The following ST6GALNAC5 variants were observed in gnomAD, a reference collection of about 807,000 sequenced individuals.
The protein encoded by ST6GALNAC5 is ST6 N-acetylgalactosaminide alpha-2,6-sialyltransferase 5, also known as alpha-N-acetylgalactosaminide alpha-2,6-sialyltransferase 5.
In ST6GALNAC5, 27 loss-of-function variants were observed where a neutral mutation model predicts 33.6. The observed-to-expected ratio is 0.80, with a 90% CI of 0.59 to 1.11. ST6GALNAC5 has a LOEUF of 1.11. Ranked by LOEUF, ST6GALNAC5 falls within the 50% of genes least tolerant of loss-of-function variation. The pLI, the probability that ST6GALNAC5 is intolerant of heterozygous loss-of-function variation, is 0.00. For synonymous variants in ST6GALNAC5, 194 were observed against 171.2 expected (o/e 1.13, Z -1.04); for missense variants, 428 against 454.0 (o/e 0.94, Z 0.52).
chr1:76,872,298 G>T (rs747434755), intron 2 of ST6GALNAC5, among the ~76,000 whole-genome samples: 1 of 152,082 alleles, frequency 6.6e-6, no homozygotes, highest in Non-Finnish European at 1.5e-5. Flanking sequence ...CTAGAGGACA[G>T]GCTCTTATCA....
chr1:76,991,973 A>G (rs1157044725), intron 2 of ST6GALNAC5, among the ~76,000 whole-genome samples: 1 of 152,146 alleles, frequency 6.6e-6, no homozygotes, highest in Non-Finnish European at 1.5e-5. Flanking sequence ...TTTTTTTGGC[A>G]GAGAAATAAG....
intron 2 of ST6GALNAC5, among the ~76,000 whole-genome samples, chr1:77,020,208 T>C (rs1176850181): frequency 1.3e-5 from 2 of 152,196 alleles, no homozygotes; most frequent in East Asian, 3.8e-4. Context: ...AGCATGCTTT[T>C]GAGGGGATTC....
intron 2 of ST6GALNAC5, among the ~76,000 whole-genome samples, chr1:77,009,722 C>T (rs548431675): frequency 6.6e-5 from 10 of 152,258 alleles, no homozygotes; most frequent in South Asian, 2.1e-4. Context: ...TTGTTATAGG[C>T]GATCTTTCTC....
At chr1:77,010,684 G>A (rs1042283023) in intron 2 of ST6GALNAC5, among the ~76,000 whole-genome samples, 7 of 120,844 alleles carry the variant, frequency 5.8e-5, no homozygotes, top group Middle Eastern at 4.5e-3. Flanking sequence ...GCCAGGAGGC[G>A]CTATGTCTGA....
rs555501519 is a variant in ST6GALNAC5 at position 76,898,575 on chromosome 1, C to T, written c.261+29833C>T. Among the ~76,000 whole-genome samples the T allele has an allele frequency of 1.4e-4, 22 of 152,122 alleles. No individual in the cohort carries two copies. The South Asian group carries it at 1.7e-3, about 12-fold the overall frequency. ...CTGTAAAGAGTCTCAGGGTTGCTGC[C>T]GAACGAGCCATGAACTGGGCTGGGT... On this transcript the variant is annotated intron_variant, in intron 2 of 4. Transcript: ENST00000477717.
chr1:76,936,823 T>A (rs1647209004), intron 2 of ST6GALNAC5, among the ~76,000 whole-genome samples: 1 of 151,962 alleles, frequency 6.6e-6, no homozygotes, highest in Non-Finnish European at 1.5e-5. Context: ...TGTGGTCATG[T>A]GGTGGAAGGA....
At chr1:76,976,380 A>G (rs972735310) in intron 2 of ST6GALNAC5, among the ~76,000 whole-genome samples, 5 of 152,152 alleles carry the variant, frequency 3.3e-5, no homozygotes, top group African/African-American at 4.8e-5. Context: ...AGATGTCTAT[A>G]GTTTTCTCCT....
At chr1:77,060,085 C>T (rs913662155) in intron 4 of ST6GALNAC5, 1 of 152,058 alleles carries the variant, frequency 6.6e-6, no homozygotes. Flanking sequence ...CCCTCACTCT[C>T]CCCACCTGCT....
In ST6GALNAC5 at chr1:77,063,304, A is replaced by G. The variant is rs1012880101; in HGVS notation, c.*98A>G. On this transcript the variant is annotated 3_prime_UTR_variant, in exon 5 of 5. Transcript: ENST00000477717. ...ACCAGACAGGAAAGGGTAGCAGAAA[A>G]CAGCTTCACTCCTCAGGAAGTACCA... The G allele has an allele frequency of 2.5e-5, 26 of 1,058,442 alleles. No homozygotes were observed. Among genetic ancestry groups the G allele is most frequent in the Non-Finnish European group, 3.5e-5 (25 of 713,104 alleles). The allele number at this position is 1,058,442 out of a possible 1,614,324, so 65.6% of individuals were successfully genotyped here.
At chr1:76,950,258 A>G (rs1198017456) in intron 2 of ST6GALNAC5, among the ~76,000 whole-genome samples, 1 of 152,126 alleles carries the variant, frequency 6.6e-6, no homozygotes, top group Non-Finnish European at 1.5e-5. Context: ...TAATTCATAG[A>G]CACATGAATC....
rs922512333 is a variant in ST6GALNAC5, at chr1:77,044,340, G to A, written c.398G>A (p.Arg133His). The change falls in exon 3 of 5, where the codon CGT (arginine) becomes CAT (histidine). Residue 133 changes from arginine (R) to histidine (H), a missense_variant. By Grantham distance (29) the Arg-to-His change is conservative. Coordinates refer to ENST00000477717, the MANE Select transcript of ST6GALNAC5 (RefSeq NM_030965.3). ...GACGCCCCCACACGCGGCTATGGGCGTGACGTGGGCAATCGCACCAGCCTG... is the reference window on the plus strand; with the variant it reads ...GACGCCCCCACACGCGGCTATGGGCATGACGTGGGCAATCGCACCAGCCTG... Reference protein sequence around the residue: ...MNDAPTRGYGRDVGNRTSLRV... With the variant: ...MNDAPTRGYGHDVGNRTSLRV... 5.0e-6 allele frequency: 8 copies of A among 1,613,846 alleles called. No individual in the cohort carries two copies. Among genetic ancestry groups the A allele is most frequent in the African/African-American group, 2.7e-5 (2 of 74,916 alleles).
At chr1:76,964,464 C>G (rs1356193960) in intron 2 of ST6GALNAC5, among the ~76,000 whole-genome samples, 3 of 152,270 alleles carry the variant, frequency 2.0e-5, no homozygotes, top group South Asian at 2.1e-4. Flanking sequence ...CTTTCTCTCT[C>G]ATGGGCCCCG....
chr1:76,879,832 C>T (rs1360109878), intron 2 of ST6GALNAC5, among the ~76,000 whole-genome samples: 1 of 150,094 alleles, frequency 6.7e-6, no homozygotes, highest in Non-Finnish European at 1.5e-5. Flanking sequence ...TTAGGGTCCT[C>T]CACACATCCC....
intron 2 of ST6GALNAC5, among the ~76,000 whole-genome samples, chr1:76,896,151 G>A (rs1294631683): frequency 2.0e-5 from 3 of 152,192 alleles, no homozygotes; most frequent in Non-Finnish European, 2.9e-5. Context: ...AGGCTAAACT[G>A]AGGAATTGTG....
chr1:76,914,686 T>C (rs1296261808), intron 2 of ST6GALNAC5, among the ~76,000 whole-genome samples: 2 of 152,088 alleles, frequency 1.3e-5, no homozygotes, highest in African/African-American at 2.4e-5. Context: ...ATACAAAAAT[T>C]AATTCAAGAT....
At chr1:77,017,244 A>G (rs866869662) in intron 2 of ST6GALNAC5, among the ~76,000 whole-genome samples, 54 of 152,090 alleles carry the variant, frequency 3.6e-4, no homozygotes, top group Non-Finnish European at 1.2e-4. Context: ...TGCATCTGAC[A>G]TCAATTTCTA....
rs368222773 is a variant in ST6GALNAC5, at chr1:76,897,194, A to C, written c.261+28452A>C. Among the ~76,000 whole-genome samples the C allele has an allele frequency of 1.0e-3, 158 of 152,292 alleles. 7 individuals are homozygous for C. The highest frequency in any genetic ancestry group is 3.6e-3 in the African/African-American group (149 of 41,554). ...GCTTGATGGGTGTCAGGGTCAGTCC[A>C]GGTGAAAGCAAAGAAAGGCTGGGAT... On this transcript the variant is annotated intron_variant, in intron 2 of 4. Transcript: ENST00000477717.
chr1:76,886,965 A>G (rs1653909868), intron 2 of ST6GALNAC5, among the ~76,000 whole-genome samples: 1 of 152,182 alleles, frequency 6.6e-6, no homozygotes, highest in Non-Finnish European at 1.5e-5. Flanking sequence ...GATGGACACT[A>G]GGGTTATTTT....
intron 2 of ST6GALNAC5, among the ~76,000 whole-genome samples, chr1:77,001,625 G>T (rs1650169608): frequency 6.6e-6 from 1 of 151,970 alleles, no homozygotes; most frequent in African/African-American, 2.4e-5. Context: ...TATTGGCTGT[G>T]AGTTTGTCGT....
Sources: allele counts gnomAD v4.1 joint callset (sites outside exome capture counted in the v4.1 genomes callset), GRCh38; gene constraint gnomAD v4.1.1; transcripts MANE v1.5; gene names NCBI Gene and HGNC (gene_info 2026-07-23, HGNC 2026-07-21).